Variants in EMG1 observed in about 807,000 individuals in gnomAD.
EMG1 encodes EMG1 N1-specific pseudouridine methyltransferase, also known as ribosomal RNA small subunit methyltransferase NEP1.
Under a neutral mutation model 26.9 loss-of-function variants are expected in EMG1, and 24 were observed. That is an observed-to-expected ratio of 0.89 (90% confidence interval 0.65 to 1.26). The LOEUF (loss-of-function observed/expected upper bound fraction) is 1.26. Among genes scored for constraint, EMG1 ranks in the 50% most tolerant of loss-of-function variants. The pLI is 0.00. For missense variants in EMG1, 299 were observed against 307.6 expected, an observed-to-expected ratio of 0.97 and a Z score of 0.21; for synonymous variants, 140 against 112.6, an observed-to-expected ratio of 1.24 and a Z score of -1.54.
intron 3 of EMG1, 145 bp from the exon 4 acceptor site, chr12:6,974,945 T>C: frequency 2.2e-6 from 2 of 907,378 alleles, no homozygotes; most frequent in African/African-American, 1.6e-5. Context: ...GCTTGGCAAC[T>C]GTTTGTTCCT....
Position 6,979,328 on chromosome 12 carries a change from A to AT in EMG1, c.*3521dup, listed in dbSNP as rs1946445598. 1.5e-6 allele frequency: 1 copy of AT among 658,912 alleles called. No homozygotes were observed. Among genetic ancestry groups the AT allele is most frequent in the African/African-American group, 1.8e-5 (1 of 55,474 alleles). The allele number at this position is 658,912 out of a possible 1,614,324, so 40.8% of individuals were successfully genotyped here. Reference sequence around the variant, plus strand: ...ATGAACATGTCCCAGCACGGCTGGCATTGACAACTCACAGATCTAGAGCAA... The same window carrying AT: ...ATGAACATGTCCCAGCACGGCTGGCATTTGACAACTCACAGATCTAGAGCAA... On this transcript the variant is annotated 3_prime_UTR_variant, in exon 6 of 6. Coordinates refer to ENST00000599672, the MANE Select transcript of EMG1 (RefSeq NM_006331.8).
chr12:6,981,868 C>T (rs782313558), downstream of EMG1: 22 of 1,613,550 alleles, frequency 1.4e-5, no homozygotes, highest in African/African-American at 6.7e-5. Context: ...TCGTAGTTGC[C>T]GGTGGCAGTG....
Position 6,976,817 on chromosome 12 carries a change from A to T in EMG1, c.*1008A>T, listed in dbSNP as rs1282729564. On this transcript the variant is annotated 3_prime_UTR_variant, in exon 6 of 6. Transcript: ENST00000599672. ...GATCTTCCACCTCCCTGGCTTTTCC[A>T]TTCTCTGCTCTGGGGCAAAGGAGTG... 1 of 206,042 alleles carries T rather than the reference A, an allele frequency of 4.9e-6. No homozygotes were observed. The highest frequency in any genetic ancestry group is 2.3e-5 in the African/African-American group (1 of 43,246). The allele number at this position is 206,042 out of a possible 1,614,324, so 12.8% of individuals were successfully genotyped here.
downstream of EMG1, chr12:6,983,186 T>C: frequency 2.2e-6 from 1 of 460,120 alleles, no homozygotes. Context: ...ACAGAGAAAC[T>C]GAGGATTCTT....
At chr12:6,982,479 G>A (rs944633741), downstream of EMG1, among the ~76,000 whole-genome samples, 1 of 152,166 alleles carries the variant, frequency 6.6e-6, no homozygotes, top group Non-Finnish European at 1.5e-5. Flanking sequence ...CTTGAGGCAG[G>A]CAAAGAGTTA....
chr12:6,981,746 G>T, downstream of EMG1: 1 of 1,468,244 alleles, frequency 6.8e-7, no homozygotes, highest in South Asian at 1.1e-5. Context: ...GGGTGCCGAG[G>T]AAGTTTTTAG....
At position 6,979,601 on chromosome 12, in the gene EMG1, TC is replaced by T. The variant is rs1946448400; in HGVS notation, c.*3794del. The T allele has an allele frequency of 2.0e-6, 3 of 1,526,618 alleles. No homozygotes were observed. Among genetic ancestry groups the T allele is most frequent in the Admixed American group, 3.3e-5 (2 of 59,858 alleles). The allele number at this position is 1,526,618 out of a possible 1,614,324, so 94.6% of individuals were successfully genotyped here. On this transcript the variant is annotated 3_prime_UTR_variant, in exon 6 of 6. Transcript: ENST00000599672. ...GATGCTGGAAAGGAACGAGTGAAGT[TC>T]CTGGTCACAGAGAGCAGAGACTATT...
At chr12:6,990,370 G>A (rs188396955), downstream of EMG1, among the ~76,000 whole-genome samples, 1,410 of 150,370 alleles carry the variant, frequency 9.4e-3, 18 homozygotes, top group African/African-American at 0.033. Flanking sequence ...TTAGCCGGGT[G>A]TGGTGGCGGG....
At chr12:6,985,906 C>G (rs1255141889) in intron 6 of EMG1, among the ~76,000 whole-genome samples, 1 of 151,444 alleles carries the variant, frequency 6.6e-6, no homozygotes, top group Non-Finnish European at 1.5e-5. Context: ...TCCCAAGTAG[C>G]TGGGATTACA....
At chr12:6,975,424 A>G in intron 5 of EMG1, 46 bp downstream of exon 5, 4 of 1,536,710 alleles carry the variant, frequency 2.6e-6, no homozygotes, top group Non-Finnish European at 3.5e-6. Context: ...AGCTGAACTT[A>G]GTATAGAATT....
downstream of EMG1, among the ~76,000 whole-genome samples, chr12:6,982,277 A>C (rs1249556588): frequency 6.6e-6 from 1 of 152,084 alleles, no homozygotes; most frequent in Non-Finnish European, 1.5e-5. Flanking sequence ...GGGCTCAAGC[A>C]ATCTGACTGC....
chr12:6,990,602 T>C (rs1946579960), downstream of EMG1, among the ~76,000 whole-genome samples: 1 of 151,484 alleles, frequency 6.6e-6, no homozygotes, highest in African/African-American at 2.4e-5. Flanking sequence ...ATGTGGGAAC[T>C]ATATATCAAT....
rs1946374907 is a variant in EMG1 at position 6,974,923 on chromosome 12, A to G, written c.413-167A>G. ...AGGGAGTCTGAACCCATCACTGTAC[A>G]GCTAGCCATATGCTTGGCAACTGTT... On this transcript the variant is annotated intron_variant, in intron 3 of 5. Coordinates refer to ENST00000599672, the MANE Select transcript of EMG1 (RefSeq NM_006331.8). 7 of 830,038 alleles carry G rather than the reference A, an allele frequency of 8.4e-6. No individual in the cohort carries two copies. In the Admixed American group the frequency reaches 1.5e-4, roughly 17 times the overall value. The allele number at this position is 830,038 out of a possible 1,614,324, so 51.4% of individuals were successfully genotyped here. A position where few individuals can be genotyped will look rare whatever the true frequency, so the allele number is the denominator to read the frequency against.
Position 6,974,344 on chromosome 12 carries a change from G to A in EMG1, c.174G>A (p.Gly58=). ...EGASLETVKV[G]KTYELLNCDK... is the part of the protein sequence containing the mutation. Reference sequence around the variant, plus strand: ...TCATGTTCCCTGTTCTTCAGGTAGGGAAGACATATGAGCTACTCAACTGTG... The same window carrying A: ...TCATGTTCCCTGTTCTTCAGGTAGGAAAGACATATGAGCTACTCAACTGTG... Residue 58 remains glycine (G), a synonymous_variant, in exon 2 of 6, where the codon GGG becomes GGA. Transcript: ENST00000599672. 2 of 1,610,290 alleles carry A rather than the reference G, an allele frequency of 1.2e-6. No homozygotes were observed. The highest frequency in any genetic ancestry group is 2.2e-5 in the South Asian group (2 of 90,782).
chr12:6,992,678 A>G (rs1565601946), downstream of EMG1, among the ~76,000 whole-genome samples: 1 of 152,162 alleles, frequency 6.6e-6, no homozygotes, highest in Non-Finnish European at 1.5e-5. Context: ...CAAATCCACT[A>G]GTCTTTCCTT....
In EMG1 at chr12:6,971,012, C is replaced by T. The variant is rs781851789; in HGVS notation, c.89C>T (p.Pro30Leu). Residue 30 changes from proline (P) to leucine (L), a missense_variant, in exon 1 of 6, where the codon CCC becomes CTC. Physicochemically the swap from Pro to Leu is moderately conservative, Grantham distance 98 (BLOSUM62 -3). Transcript: ENST00000599672. Reference protein sequence around the residue: ...QDWDALPPKRPRLGAGNKIGG... With the variant: ...QDWDALPPKRLRLGAGNKIGG... ...TGGGATGCTCTGCCACCCAAGCGGC[C>T]CCGACTAGGGGCAGGAAACAAGATC... 2.5e-6 allele frequency: 4 copies of T among 1,611,784 alleles called. No individual in the cohort carries two copies. Among genetic ancestry groups the T allele is most frequent in the South Asian group, 1.1e-5 (1 of 90,608 alleles).
rs1379638256 is a variant in EMG1 at position 6,987,038 on chromosome 12, A to T, written c.*155-744A>T. The stretch of plus-strand genomic sequence containing the variant: ...TGAGGCAGGAGAATTGCTTGAACCC[A>T]GGAGGCGGAGGTGGCAGTGAGCTGA... On this transcript the variant is annotated intron_variant and NMD_transcript_variant, in intron 6 of 7. Coordinates refer to the EMG1 transcript ENST00000261406. The surrounding 1 kb of genome is among the most constrained non-coding windows in gnomAD (Gnocchi z 4.1). 6.6e-6 allele frequency among the ~76,000 whole-genome samples: 1 copy of T among 151,856 alleles called. No homozygotes were observed. Among genetic ancestry groups the T allele is most frequent in the Non-Finnish European group, 1.5e-5 (1 of 67,984 alleles).
At position 6,975,121 on chromosome 12, in the gene EMG1, A is replaced by G. The variant is rs782609588; in HGVS notation, c.444A>G (p.Ala148=). The change falls in exon 4 of 6, where the codon GCA becomes GCG. Residue 148 remains alanine, a synonymous_variant. Coordinates refer to ENST00000599672, the MANE Select transcript of EMG1 (RefSeq NM_006331.8). ...TTTTACACAAGCTCAGTGTTCGAGCAGCTGATGGCCCCCAGAAGCTTTTGA... is the reference window on the plus strand; with the variant it reads ...TTTTACACAAGCTCAGTGTTCGAGCGGCTGATGGCCCCCAGAAGCTTTTGA... The part of the protein sequence containing the change: ...VQLLHKLSVR[A]ADGPQKLLKV... 2 of 1,614,076 alleles carry G rather than the reference A, an allele frequency of 1.2e-6. No individual in the cohort carries two copies. The highest frequency in any genetic ancestry group is 1.7e-6 in the Non-Finnish European group (2 of 1,179,912).
intron 1 of EMG1, 85 bp from the exon 2 acceptor site, chr12:6,974,254 G>C: frequency 1.1e-6 from 1 of 939,438 alleles, no homozygotes; most frequent in Non-Finnish European, 1.7e-6. Context: ...GCTGCTGCTG[G>C]TAGTTTGGGG....
Sources: allele counts gnomAD v4.1 joint callset (sites outside exome capture counted in the v4.1 genomes callset), GRCh38; gene constraint gnomAD v4.1.1; non-coding constraint Gnocchi (gnomAD v3.1); transcripts MANE v1.5; gene names NCBI Gene and HGNC (gene_info 2026-07-23, HGNC 2026-07-21).